The following SPTY2D1 variants were observed in gnomAD, a reference collection of about 807,000 sequenced individuals.
The protein encoded by SPTY2D1 is SPT2 chromatin protein domain containing 1, also known as protein SPT2 homolog.
In SPTY2D1, 21 loss-of-function variants were observed where a neutral mutation model predicts 64.0. The ratio of observed to expected loss-of-function variants is 0.33; its 90% CI spans 0.23 to 0.47. The LOEUF (loss-of-function observed/expected upper bound fraction) is 0.47, where lower values mean the gene tolerates loss of function less well. SPTY2D1 is among the 20% of genes least tolerant of loss of function. SPTY2D1 has a pLI of 1.00. For synonymous variants in SPTY2D1, 287 were observed against 286.8 expected (o/e 1.00, Z -0.01); for missense variants, 724 against 837.2 (o/e 0.86, Z 1.67).
chr11:18,630,336 G>A (rs1419902442), intron 1 of SPTY2D1, among the ~76,000 whole-genome samples: 2 of 152,014 alleles, frequency 1.3e-5, no homozygotes, highest in Non-Finnish European at 2.9e-5. Flanking sequence ...TTAGCTGGGT[G>A]TGGTGGCATG....
At chr11:18,618,988 T>A (rs190252190) in intron 1 of SPTY2D1, among the ~76,000 whole-genome samples, 2 of 152,270 alleles carry the variant, frequency 1.3e-5, no homozygotes, top group African/African-American at 4.8e-5. Flanking sequence ...TCCTTTAAAG[T>A]CCATATCTTT....
chr11:18,614,533 T>C (rs1184427179), intron 3 of SPTY2D1, 30 bp downstream of exon 3: 3 of 1,572,172 alleles, frequency 1.9e-6, no homozygotes, highest in Non-Finnish European at 2.6e-6. Flanking sequence ...ATGACAAATA[T>C]ATACTCTTTC....
chr11:18,630,984 G>A (rs934337431), intron 1 of SPTY2D1, among the ~76,000 whole-genome samples: 6 of 152,032 alleles, frequency 3.9e-5, no homozygotes, highest in Non-Finnish European at 8.8e-5. Context: ...GATTACAGGT[G>A]TGCCCCACCA....
At chr11:18,632,671 T>C (rs1205865745) in intron 1 of SPTY2D1, among the ~76,000 whole-genome samples, 9 of 152,210 alleles carry the variant, frequency 5.9e-5, no homozygotes, top group African/African-American at 2.2e-4. Context: ...ATTACTTTTT[T>C]CCCCTTTTTG....
chr11:18,622,680 G>A (rs774215091), intron 1 of SPTY2D1, among the ~76,000 whole-genome samples: 6 of 152,118 alleles, frequency 3.9e-5, no homozygotes, highest in South Asian at 2.1e-4. Context: ...GGCTGGGCGC[G>A]GTGGCTCACC....
Position 18,615,661 on chromosome 11 carries a change from G to A in SPTY2D1, c.613C>T (p.Arg205Ter). The change falls in exon 3 of 6, where the codon CGA becomes TGA. Residue 205 changes from arginine to a stop codon, truncating the protein, a stop_gained. Transcript: ENST00000336349. LOFTEE classifies it high-confidence loss of function. ...CTATGCTTTCGTTCAAGGAATTCTCGCTCCCTAAGTTCTTCTGCGGTCATA... is the reference window on the plus strand; with the variant it reads ...CTATGCTTTCGTTCAAGGAATTCTCACTCCCTAAGTTCTTCTGCGGTCATA... ...RPMTAEELRE[R>*]EFLERKHRRK... The A allele has an allele frequency of 6.2e-7, 1 of 1,614,040 alleles. No individual in the cohort carries two copies. The highest frequency in any genetic ancestry group is 8.5e-7 in the Non-Finnish European group (1 of 1,180,022).
intron 1 of SPTY2D1, 73 bp downstream of exon 1, chr11:18,634,125 G>A (rs1854631279): frequency 6.4e-7 from 1 of 1,556,666 alleles, no homozygotes; most frequent in Non-Finnish European, 8.9e-7. Context: ...CTGCCCAGAA[G>A]TTCCATGGGC....
Position 18,615,028 on chromosome 11 carries a change from T to C in SPTY2D1, c.1246A>G (p.Lys416Glu). Residue 416 changes from lysine (K) to glutamate (E), a missense_variant, in exon 3 of 6, where the codon AAG becomes GAG. Lys to Glu is a moderately conservative substitution (Grantham distance 56, BLOSUM62 1). Around this residue, in one of 3 missense-constraint regions of SPTY2D1, gnomAD observed 426 missense variants for 431.8 expected, o/e 0.99. Coordinates refer to ENST00000336349, the MANE Select transcript of SPTY2D1 (RefSeq NM_194285.3). ...SGPERSISGS[K>E]KPTNDSNPSR... ...GGATTTGAGTCATTGGTTGGCTTCT[T>C]GGACCCACTGATTGATCGCTCAGGT... 1 of 1,614,178 alleles carries C rather than the reference T, an allele frequency of 6.2e-7. No homozygotes were observed. Among genetic ancestry groups the C allele is most frequent in the Non-Finnish European group, 8.5e-7 (1 of 1,180,044 alleles).
intron 1 of SPTY2D1, among the ~76,000 whole-genome samples, chr11:18,626,775 G>A (rs1173930748): frequency 6.6e-6 from 1 of 152,198 alleles, no homozygotes; most frequent in Non-Finnish European, 1.5e-5. Flanking sequence ...AAGGTTAATT[G>A]TTATTCAGAA....
rs528738613 is a variant in SPTY2D1 at position 18,627,084 on chromosome 11, T to C, written c.60+7114A>G. On this transcript the variant is annotated intron_variant, in intron 1 of 5. Coordinates refer to ENST00000336349, the MANE Select transcript of SPTY2D1 (RefSeq NM_194285.3). ...CTTTTGTTTTAAATTAACTTCCTTA[T>C]TTTTTTGTACCAGGCTCAGACCACA... Among the ~76,000 whole-genome samples the C allele has an allele frequency of 1.4e-4, 21 of 152,084 alleles. 2 individuals carry two copies. The South Asian group carries it at 4.2e-3, about 30-fold the overall frequency.
At chr11:18,611,311 A>G (rs534919783) in intron 5 of SPTY2D1, among the ~76,000 whole-genome samples, 166 bp downstream of exon 5, 1 of 152,264 alleles carries the variant, frequency 6.6e-6, no homozygotes, top group South Asian at 2.1e-4. Flanking sequence ...CCAGTGAAAA[A>G]ACAGAACTGT....
chr11:18,632,385 CTT>C (rs1367697095), intron 1 of SPTY2D1, among the ~76,000 whole-genome samples: 4 of 149,686 alleles, frequency 2.7e-5, no homozygotes, highest in Non-Finnish European at 5.9e-5. Flanking sequence ...AAGTTTTTCT[CTT>C]GTTGCCCAGG....
intron 5 of SPTY2D1, among the ~76,000 whole-genome samples, chr11:18,610,533 C>T (rs1303052078): frequency 7.2e-5 from 11 of 151,922 alleles, no homozygotes; most frequent in East Asian, 3.9e-4. Flanking sequence ...GGCGTGGTAG[C>T]GCACACCTGT....
intron 1 of SPTY2D1, among the ~76,000 whole-genome samples, chr11:18,623,893 T>C (rs1324724055): frequency 2.0e-5 from 3 of 152,370 alleles, no homozygotes; most frequent in Middle Eastern, 3.4e-3. Context: ...TTCCTTTTTG[T>C]GGCTGAATAA....
In SPTY2D1 at chr11:18,612,656, A is replaced by G. The variant is rs1249081412; in HGVS notation, c.1712-168T>C. On this transcript the variant is annotated intron_variant, in intron 3 of 5. Coordinates refer to ENST00000336349, the MANE Select transcript of SPTY2D1 (RefSeq NM_194285.3). The surrounding 1 kb of genome is among the most constrained non-coding windows in gnomAD (Gnocchi z 4.6). The stretch of plus-strand genomic sequence containing the variant: ...TCCTTGCTGTGTCATGGTATCCAGA[A>G]GGAACAGAACTCCTGTTTTATCCCA... Among the ~76,000 whole-genome samples, 2 of 152,218 alleles carry G rather than the reference A, an allele frequency of 1.3e-5. No individual in the cohort carries two copies. The highest frequency in any genetic ancestry group is 2.4e-5 in the African/African-American group (1 of 41,462).
chr11:18,624,449 T>C (rs1280110078), intron 1 of SPTY2D1, among the ~76,000 whole-genome samples: 3 of 152,162 alleles, frequency 2.0e-5, no homozygotes, highest in Non-Finnish European at 4.4e-5. Context: ...TTTATTACAC[T>C]GCAAGCCAAC....
At chr11:18,622,839 C>T (rs865991136) in intron 1 of SPTY2D1, among the ~76,000 whole-genome samples, 3 of 151,902 alleles carry the variant, frequency 2.0e-5, no homozygotes, top group Admixed American at 1.3e-4. Context: ...ATAATCCCAG[C>T]TACTCAGGAG....
chr11:18,619,544 G>A (rs1046192891), intron 1 of SPTY2D1, among the ~76,000 whole-genome samples: 1 of 151,680 alleles, frequency 6.6e-6, no homozygotes, highest in Admixed American at 6.6e-5. Context: ...GGATCACAAG[G>A]TCAGGAGATC....
At position 18,616,007 on chromosome 11, in the gene SPTY2D1, T is replaced by C; in HGVS notation, c.267A>G (p.Thr89=). 1 of 1,614,240 alleles carries C rather than the reference T, an allele frequency of 6.2e-7. No homozygotes were observed. The highest frequency in any genetic ancestry group is 8.5e-7 in the Non-Finnish European group (1 of 1,180,044). The change falls in exon 3 of 6, where the codon ACA becomes ACG. Residue 89 remains threonine (T), a synonymous_variant. Transcript: ENST00000336349. ...CATTGTAACCATGGAAATTATCCTTTGTCCTCTTGGCCATAGCTCTTGCTT... is the reference window on the plus strand; with the variant it reads ...CATTGTAACCATGGAAATTATCCTTCGTCCTCTTGGCCATAGCTCTTGCTT... ...DKKARAMAKR[T]KDNFHGYNGI... is the part of the protein sequence containing the mutation.
Sources: gnomAD v4.1 joint callset for allele counts (sites outside exome capture counted in the v4.1 genomes callset) on GRCh38, gnomAD v4.1.1 for gene constraint, gnomAD v4.1.1 regional missense constraint, Gnocchi (gnomAD v3.1) non-coding constraint, MANE v1.5 for transcripts, NCBI Gene and HGNC (gene_info 2026-07-23, HGNC 2026-07-21) for gene names.